Variants in EPS8L3 observed in about 807,000 individuals in gnomAD.
The protein encoded by EPS8L3 is EPS8 signaling adaptor L3.
EPS8L3 carries 80 observed loss-of-function variants against 88.5 expected under a neutral mutation model. The observed-to-expected ratio is 0.90, with a 90% CI of 0.75 to 1.09. The LOEUF (loss-of-function observed/expected upper bound fraction) is 1.09, where lower values mean the gene tolerates loss of function less well. EPS8L3 is among the 50% of genes least tolerant of loss of function. EPS8L3 has a pLI of 0.00. For synonymous variants in EPS8L3, 286 were observed against 291.0 expected (o/e 0.98, Z 0.18); for missense variants, 721 against 735.2 (o/e 0.98, Z 0.22).
intron 14 of EPS8L3, 130 bp from the exon 15 acceptor site, chr1:109,752,323 G>A: frequency 1.1e-6 from 1 of 919,654 alleles, no homozygotes; most frequent in Non-Finnish European, 1.7e-6. Context: ...TTTAGAGTTT[G>A]CTGGCAGGTC....
chr1:109,755,435 A>G (rs2101449399), intron 12 of EPS8L3, among the ~76,000 whole-genome samples: 1 of 152,362 alleles, frequency 6.6e-6, no homozygotes, highest in South Asian at 2.1e-4. Context: ...ATAATAAAAA[A>G]TAGATAGTTT....
chr1:109,753,506 G>C (rs1159498532), intron 12 of EPS8L3, among the ~76,000 whole-genome samples: 1 of 152,238 alleles, frequency 6.6e-6, no homozygotes, highest in East Asian at 1.9e-4. Context: ...TTGGATTAAA[G>C]TAGTAGAACT....
At chr1:109,761,429 G>A (rs1650928110) in intron 3 of EPS8L3, 66 bp downstream of exon 3, 4 of 1,402,344 alleles carry the variant, frequency 2.9e-6, no homozygotes, top group Non-Finnish European at 4.0e-6. Flanking sequence ...GTTCTGGCAG[G>A]GCGGTGGGCA....
Position 109,761,709 on chromosome 1 carries a change from A to G in EPS8L3, c.31+10T>C. 1 of 1,613,952 alleles carries G rather than the reference A, an allele frequency of 6.2e-7. No individual in the cohort carries two copies. The highest frequency in any genetic ancestry group is 1.3e-5 in the African/African-American group (1 of 75,030). On this transcript the variant is annotated intron_variant, in intron 2 of 18. Transcript: ENST00000361965. Reference sequence around the variant, plus strand: ...GGAGGGCACGGGAGAGGGGCCTGCCAGGAGCTTACAGTAAATGGCTCTGCT... The same window carrying G: ...GGAGGGCACGGGAGAGGGGCCTGCCGGGAGCTTACAGTAAATGGCTCTGCT...
chr1:109,761,626 G>A, intron 2 of EPS8L3, 67 bp from the exon 3 acceptor site: 1 of 1,596,498 alleles, frequency 6.3e-7, no homozygotes, highest in Non-Finnish European at 8.6e-7. Flanking sequence ...GGCAACTGCT[G>A]GGGGCAGTTG....
chr1:109,757,592 C>A (rs1387739014), intron 10 of EPS8L3, 37 bp from the exon 11 acceptor site: 1 of 1,578,262 alleles, frequency 6.3e-7, no homozygotes, highest in African/African-American at 1.3e-5. Flanking sequence ...CCACCCTTCA[C>A]CCCACCCCAT....
chr1:109,752,678 G>T lies in EPS8L3; in HGVS notation c.1235+8C>A. On this transcript the variant is annotated splice_region_variant and intron_variant, in intron 14 of 18. Transcript: ENST00000361965. ...GACCACGCAGTCCCTATTAAGCTCA[G>T]AGCATACCGAAGGGAAACAGGGTCC... 1 of 1,551,212 alleles carries T rather than the reference G, an allele frequency of 6.4e-7. No individual in the cohort carries two copies. The highest frequency in any genetic ancestry group is 1.2e-5 in the South Asian group (1 of 84,022).
intron 17 of EPS8L3, 28 bp downstream of exon 17, chr1:109,751,250 T>C: frequency 6.2e-7 from 1 of 1,608,084 alleles, no homozygotes. Flanking sequence ...AGTTTCTCCC[T>C]CCATATCCTG....
Position 109,750,398 on chromosome 1 carries a change from C to T in EPS8L3, c.1775G>A (p.Ser592Asn). ...AGGTGTCTAAGCTGGTGCCTAAGGG[C>T]TTATCTGAGGAAAGACAAAGATTCA... Reference protein sequence around the residue: ...LEAVRRMLGISP With the variant: ...LEAVRRMLGINP Residue 592 changes from serine (S) to asparagine (N), a missense_variant, in exon 19 of 19, where the codon AGC becomes AAC. Physicochemically the swap from Ser to Asn is conservative, Grantham distance 46. Coordinates refer to ENST00000361965, the MANE Select transcript of EPS8L3 (RefSeq NM_133181.4). 1 of 1,613,524 alleles carries T rather than the reference C, an allele frequency of 6.2e-7. No individual in the cohort carries two copies.
At chr1:109,752,568 T>C in intron 14 of EPS8L3, 118 bp downstream of exon 14, 1 of 943,814 alleles carries the variant, frequency 1.1e-6, no homozygotes, top group Non-Finnish European at 1.6e-6. Flanking sequence ...GTACATGTTT[T>C]TCTGGCTAAA....
chr1:109,758,553 T>C lies in EPS8L3; in HGVS notation c.572A>G (p.Glu191Gly). The C allele has an allele frequency of 6.2e-7, 1 of 1,612,282 alleles. No individual in the cohort carries two copies. Among genetic ancestry groups the C allele is most frequent in the African/African-American group, 1.3e-5 (1 of 75,010 alleles). The change falls in exon 7 of 19, where the codon GAA becomes GGA. Residue 191 changes from glutamate to glycine, a missense_variant. By Grantham distance (98) the Glu-to-Gly change is moderately conservative. Coordinates refer to ENST00000361965, the MANE Select transcript of EPS8L3 (RefSeq NM_133181.4). ...ARYLEPGIPP[E>G]QPHQRTLEHS... ...CTCTAGGGTCCTCTGGTGGGGCTGT[T>C]CTGGAGGGATCCCCGGCTCCAGATA...
chr1:109,758,116 C>T, intron 8 of EPS8L3, 58 bp from the exon 9 acceptor site: 3 of 1,487,278 alleles, frequency 2.0e-6, no homozygotes, highest in Non-Finnish European at 2.8e-6. Flanking sequence ...CTGGAACTCC[C>T]CACACTGCCC....
chr1:109,755,289 A>T lies in EPS8L3; in HGVS notation c.1118+1728T>A, dbSNP rs115871815. Reference sequence around the variant, plus strand: ...GGGTACAGAATTTCTGTTTGGGATGATGAAAAAGTTCTTGAAATACTGTAG... The same window carrying T: ...GGGTACAGAATTTCTGTTTGGGATGTTGAAAAAGTTCTTGAAATACTGTAG... On this transcript the variant is annotated intron_variant, in intron 12 of 18. Coordinates refer to ENST00000361965, the MANE Select transcript of EPS8L3 (RefSeq NM_133181.4). Among the ~76,000 whole-genome samples the T allele has an allele frequency of 3.8e-3, 582 of 152,320 alleles. 5 individuals are homozygous for T. The highest frequency in any genetic ancestry group is 0.013 in the African/African-American group (536 of 41,570).
rs1434541678 is a variant in EPS8L3 at position 109,751,315 on chromosome 1, C to T, written c.1600G>A (p.Val534Ile). The T allele has an allele frequency of 3.7e-6, 6 of 1,613,800 alleles. No individual in the cohort carries two copies. Among genetic ancestry groups the T allele is most frequent in the Admixed American group, 1.7e-5 (1 of 59,992 alleles). Reference protein sequence around the residue: ...MLRLSSRPEEVTDWLQAENFS... With the variant: ...MLRLSSRPEEITDWLQAENFS... The stretch of plus-strand genomic sequence containing the variant: ...TTCTCTGCCTGCAGCCAGTCTGTGA[C>T]CTCTTCAGGCCTCGAGCTAAGTCGA... Residue 534 changes from valine (V) to isoleucine (I), a missense_variant, in exon 17 of 19, where the codon GTC (valine) becomes ATC (isoleucine). Coordinates refer to ENST00000361965, the MANE Select transcript of EPS8L3 (RefSeq NM_133181.4).
intron 3 of EPS8L3, among the ~76,000 whole-genome samples, chr1:109,760,392 C>T (rs1650789030): frequency 6.6e-6 from 1 of 152,132 alleles, no homozygotes; most frequent in South Asian, 2.1e-4. Context: ...GTTATCCACT[C>T]TCCTTTAGGA....
intron 16 of EPS8L3, 92 bp from the exon 17 acceptor site, chr1:109,751,443 C>A: frequency 1.4e-6 from 2 of 1,412,098 alleles, no homozygotes; most frequent in Non-Finnish European, 9.8e-7. Flanking sequence ...AGGTTCCCAT[C>A]AAATCACTTC....
In EPS8L3 at chr1:109,751,785, G is replaced by A; in HGVS notation, c.1435-3C>T. 1 of 1,613,110 alleles carries A rather than the reference G, an allele frequency of 6.2e-7. No homozygotes were observed. Among genetic ancestry groups the A allele is most frequent in the Non-Finnish European group, 8.5e-7 (1 of 1,179,976 alleles). On this transcript the variant is annotated splice_polypyrimidine_tract_variant and splice_region_variant and intron_variant, in intron 15 of 18. Coordinates refer to ENST00000361965, the MANE Select transcript of EPS8L3 (RefSeq NM_133181.4). ...CACCGCTTGCTGTGGTCCAGAACCT[G>A]CCAAGAGTCACCACCTCAGTCCCCT...
At position 109,759,707 on chromosome 1, in the gene EPS8L3, A is replaced by C; in HGVS notation, c.226T>G (p.Trp76Gly). 2 of 1,614,014 alleles carry C rather than the reference A, an allele frequency of 1.2e-6. No homozygotes were observed. The highest frequency in any genetic ancestry group is 2.7e-5 in the African/African-American group (2 of 75,038). ...QDLILQVRDG[W>G]LQLLDIETKE... ...GTCTCAATGTCCAGCAGCTGCAGCC[A>C]GCCGTCCCTGACCTGCAGGATCAAG... Residue 76 changes from tryptophan to glycine, a missense_variant, in exon 4 of 19, where the codon TGG (tryptophan) becomes GGG (glycine). Transcript: ENST00000361965. This position sits in a 1 kb window ranked among gnomAD's most constrained non-coding sequence, Gnocchi z 4.2.
At position 109,759,237 on chromosome 1, in the gene EPS8L3, C is replaced by T. The variant is rs918124357; in HGVS notation, c.405+1G>A. 6.2e-7 allele frequency: 1 copy of T among 1,613,796 alleles called. No individual in the cohort carries two copies. ...CTGACCAATCACCCCCGACCACTCA[C>T]CCCCACTTCCTGGCACTGGAAGAGC... On this transcript the variant is annotated splice_donor_variant, in intron 5 of 18. Coordinates refer to ENST00000361965, the MANE Select transcript of EPS8L3 (RefSeq NM_133181.4). LOFTEE classifies it high-confidence loss of function. This position sits in a 1 kb window ranked among gnomAD's most constrained non-coding sequence, Gnocchi z 4.2.
Sources: allele counts gnomAD v4.1 joint callset (sites outside exome capture counted in the v4.1 genomes callset), GRCh38; gene constraint gnomAD v4.1.1; non-coding constraint Gnocchi (gnomAD v3.1); transcripts MANE v1.5; gene names NCBI Gene and HGNC (gene_info 2026-07-23, HGNC 2026-07-21).